The following PSIP1 variants were observed in gnomAD, a reference collection of about 807,000 sequenced individuals.
PSIP1 encodes PC4 and SFRS1-interacting protein.
Under a neutral mutation model 74.7 loss-of-function variants are expected in PSIP1, and 19 were observed. The ratio of observed to expected loss-of-function variants is 0.25; its 90% CI spans 0.18 to 0.37. The LOEUF (loss-of-function observed/expected upper bound fraction) is 0.37. Ranked by LOEUF, PSIP1 falls within the 10% of genes least tolerant of loss-of-function variation. The pLI is 1.00. For missense variants in PSIP1, 601 were observed against 614.3 expected (o/e 0.98, Z 0.23); for synonymous variants, 222 against 195.3 (o/e 1.14, Z -1.14).
At chr9:15,507,874 C>G (rs1443385888) in intron 2 of PSIP1, among the ~76,000 whole-genome samples, 1 of 152,130 alleles carries the variant, frequency 6.6e-6, no homozygotes, top group African/African-American at 2.4e-5. Context: ...GAATCATTAC[C>G]ACCCAATATC....
rs767922897 is a variant in PSIP1, at chr9:15,497,325, C to CTTTTTTTTTTTTTTTTTTTTTTTTTTT, written c.150-7202_150-7201insAAAAAAAAAAAAAAAAAAAAAAAAAAA. Among the ~76,000 whole-genome samples, 28 of 118,554 alleles carry CTTTTTTTTTTTTTTTTTTTTTTTTTTT rather than the reference C, an allele frequency of 2.4e-4. 2 individuals are homozygous for CTTTTTTTTTTTTTTTTTTTTTTTTTTT. The highest frequency in any genetic ancestry group is 4.8e-4 in the African/African-American group (12 of 24,858). 77.8% of individuals were successfully genotyped at this position (118,554 alleles called of 152,430 possible). A position where few individuals can be genotyped will look rare whatever the true frequency, so the allele number is the denominator to read the frequency against. The stretch of plus-strand genomic sequence containing the variant: ...CTGAAGACCACACGTTCTATGATTC[C>CTTTTTTTTTTTTTTTTTTTTTTTTTTT]TTTTTTTTTTTTTTTTGAGACAGAG... On this transcript the variant is annotated intron_variant, in intron 3 of 15. Coordinates refer to ENST00000380733, the MANE Select transcript of PSIP1 (RefSeq NM_033222.5).
chr9:15,499,480 C>G (rs1015413343), intron 3 of PSIP1, among the ~76,000 whole-genome samples: 7 of 152,188 alleles, frequency 4.6e-5, no homozygotes, highest in Admixed American at 2.0e-4. Flanking sequence ...TAAACAAAGA[C>G]AAGCAGTTCT....
chr9:15,506,766 C>A, intron 2 of PSIP1, 129 bp from the exon 3 acceptor site: 1 of 616,802 alleles, frequency 1.6e-6, no homozygotes, highest in Non-Finnish European at 2.6e-6. Context: ...GGCCCATAAT[C>A]TCCTATCCCC....
intron 2 of PSIP1, among the ~76,000 whole-genome samples, chr9:15,507,553 A>C (rs192550555): frequency 1.1e-4 from 16 of 152,192 alleles, no homozygotes; most frequent in Admixed American, 1.0e-3. Flanking sequence ...GAGGCGAATC[A>C]CTTGAACCTG....
At chr9:15,479,989 C>T (rs1028363169) in intron 6 of PSIP1, among the ~76,000 whole-genome samples, 3 of 152,298 alleles carry the variant, frequency 2.0e-5, no homozygotes, top group African/African-American at 7.2e-5. Flanking sequence ...CTGCAACTAA[C>T]ACAATGTTAT....
intron 6 of PSIP1, among the ~76,000 whole-genome samples, chr9:15,482,797 A>G (rs965850949): frequency 1.3e-5 from 2 of 152,224 alleles, no homozygotes; most frequent in Admixed American, 6.5e-5. Flanking sequence ...AGATTTAAAA[A>G]GCACAGTGTA....
intron 2 of PSIP1, 61 bp downstream of exon 2, chr9:15,510,056 G>A: frequency 1.4e-6 from 2 of 1,457,802 alleles, no homozygotes; most frequent in Middle Eastern, 1.8e-4. Flanking sequence ...AGACACGGTG[G>A]GCAGCAGGCC....
Position 15,510,307 on chromosome 9 carries a change from C to T in PSIP1, c.-119G>A, listed in dbSNP as rs1267777390. On this transcript the variant is annotated 5_prime_UTR_variant, in exon 2 of 16. Coordinates refer to ENST00000380733, the MANE Select transcript of PSIP1 (RefSeq NM_033222.5). ...CGGGCCCGCGGGCGGGGGAGGATGCCTCGGGGCGTCCCGACGCGCCTGCTA... is the reference window on the plus strand; with the variant it reads ...CGGGCCCGCGGGCGGGGGAGGATGCTTCGGGGCGTCCCGACGCGCCTGCTA... The T allele has an allele frequency of 3.2e-6, 2 of 633,766 alleles. No homozygotes were observed. The highest frequency in any genetic ancestry group is 4.8e-6 in the Non-Finnish European group (2 of 416,686). The allele number at this position is 633,766 out of a possible 1,614,324, so 39.3% of individuals were successfully genotyped here. A position where few individuals can be genotyped will look rare whatever the true frequency, so the allele number is the denominator to read the frequency against.
At chr9:15,486,968 G>GT (rs774137066) in intron 4 of PSIP1, 37 bp from the exon 5 acceptor site, 21 of 1,320,136 alleles carry the variant, frequency 1.6e-5, no homozygotes, top group Non-Finnish European at 2.1e-5. Flanking sequence ...CAAAAAATAA[G>GT]TTTTTATCCC....
intron 2 of PSIP1, among the ~76,000 whole-genome samples, chr9:15,508,497 C>T (rs1282356772): frequency 1.3e-5 from 2 of 152,190 alleles, no homozygotes; most frequent in Non-Finnish European, 2.9e-5. Context: ...CAGTAGCACT[C>T]TTAGTCACTT....
intron 4 of PSIP1, among the ~76,000 whole-genome samples, chr9:15,487,388 C>T (rs1214809851): frequency 6.6e-6 from 1 of 151,564 alleles, no homozygotes; most frequent in Non-Finnish European, 1.5e-5. Context: ...TGAAGTCGGG[C>T]GTTCAAGACC....
intron 6 of PSIP1, among the ~76,000 whole-genome samples, chr9:15,483,160 A>AGT (rs1246122068): frequency 3.3e-5 from 5 of 152,072 alleles, no homozygotes; most frequent in African/African-American, 1.2e-4. Context: ...CATGCCAGAG[A>AGT]CTGCATCTGT....
At chr9:15,487,319 G>C (rs1321046496) in intron 4 of PSIP1, among the ~76,000 whole-genome samples, 1 of 152,122 alleles carries the variant, frequency 6.6e-6, no homozygotes, top group Non-Finnish European at 1.5e-5. Context: ...ACGTAGTTGG[G>C]CACTGTGGCT....
chr9:15,473,201 G>T (rs2035918309), intron 9 of PSIP1, among the ~76,000 whole-genome samples: 1 of 152,104 alleles, frequency 6.6e-6, no homozygotes, highest in Non-Finnish European at 1.5e-5. Flanking sequence ...TACACAAAAG[G>T]ATACACAGCT....
chr9:15,471,998 T>TC (rs2035853907), intron 10 of PSIP1: 1 of 974,040 alleles, frequency 1.0e-6, no homozygotes, highest in Non-Finnish European at 1.2e-6. Flanking sequence ...CGAAGTCTGT[T>TC]CATTATTATC....
At chr9:15,474,365 A>T in intron 8 of PSIP1, 128 bp from the exon 9 acceptor site, 1 of 744,114 alleles carries the variant, frequency 1.3e-6, no homozygotes, top group South Asian at 2.6e-5. Flanking sequence ...TTCACTATCC[A>T]ATCATAAAAG....
At chr9:15,494,155 A>G (rs557835408) in intron 3 of PSIP1, among the ~76,000 whole-genome samples, 5 of 152,372 alleles carry the variant, frequency 3.3e-5, no homozygotes, top group Middle Eastern at 3.4e-3. Flanking sequence ...TACATATCAT[A>G]AATTCCTGAT....
chr9:15,472,835 C>G (rs1055458989), intron 9 of PSIP1, 85 bp from the exon 10 acceptor site: 10 of 1,314,696 alleles, frequency 7.6e-6, no homozygotes, highest in African/African-American at 3.1e-5. Flanking sequence ...GGAAAAGCAG[C>G]AGCTAGTTTT....
At chr9:15,467,661 G>C (rs2035691477) in intron 14 of PSIP1, among the ~76,000 whole-genome samples, 1 of 152,170 alleles carries the variant, frequency 6.6e-6, no homozygotes, top group African/African-American at 2.4e-5. Flanking sequence ...GACATGAGAA[G>C]TTATTTCTAT....
Sources: gnomAD v4.1 joint callset for allele counts (sites outside exome capture counted in the v4.1 genomes callset) on GRCh38, gnomAD v4.1.1 for gene constraint, MANE v1.5 for transcripts, NCBI Gene and HGNC (gene_info 2026-07-23, HGNC 2026-07-21) for gene names.